FAM124B: variants seen among roughly 807,000 people sequenced by gnomAD.
The protein encoded by FAM124B is family with sequence similarity 124 member B, also known as protein FAM124B.
A neutral mutation model predicts 19.7 loss-of-function variants in FAM124B; 18 were observed. That is an observed-to-expected ratio of 0.92 (90% CI 0.63 to 1.36). The LOEUF (loss-of-function observed/expected upper bound fraction) is 1.36, where lower values mean the gene tolerates loss of function less well. Among genes scored for constraint, FAM124B ranks in the 40% most tolerant of loss-of-function variants. The pLI, the probability that FAM124B is intolerant of heterozygous loss-of-function variation, is 0.00. For missense variants in FAM124B, 540 were observed against 553.3 expected (o/e 0.98, Z 0.24); for synonymous variants, 223 against 225.2 (o/e 0.99, Z 0.09).
intron 1 of FAM124B, among the ~76,000 whole-genome samples, chr2:224,393,317 C>T (rs1228869947): frequency 2.0e-5 from 3 of 152,112 alleles, no homozygotes; most frequent in Non-Finnish European, 4.4e-5. Context: ...AATGGATGGC[C>T]GGCAACCAAC....
At chr2:224,386,927 T>G (rs1025975788) in intron 1 of FAM124B, among the ~76,000 whole-genome samples, 2 of 152,228 alleles carry the variant, frequency 1.3e-5, no homozygotes, top group African/African-American at 4.8e-5. Context: ...CTAATGATTT[T>G]TATTACTATG....
At chr2:224,400,133 T>C (rs1012461491) in intron 1 of FAM124B, 4 of 226,502 alleles carry the variant, frequency 1.8e-5, no homozygotes, top group Non-Finnish European at 2.6e-5. Flanking sequence ...AATTTGACAG[T>C]GATGCAAGAT....
intron 1 of FAM124B, among the ~76,000 whole-genome samples, chr2:224,397,207 C>T (rs953135442): frequency 3.3e-5 from 5 of 152,186 alleles, no homozygotes; most frequent in East Asian, 1.9e-4. Context: ...GTGCTGTTCT[C>T]GTGATAGAGA....
intron 1 of FAM124B, among the ~76,000 whole-genome samples, chr2:224,389,334 A>T (rs1477405603): frequency 6.6e-6 from 1 of 152,226 alleles, no homozygotes; most frequent in Non-Finnish European, 1.5e-5. Context: ...ACTGAGACGG[A>T]ACATAAATTT....
Position 224,401,523 on chromosome 2 carries a change from T to C in FAM124B, c.246A>G (p.Leu82=). Reference sequence around the variant, plus strand: ...GCTGGAGAGAGTCCAGGACGCGAAATAGCCTATCCTCTCCCGGGCTTTCGT... The same window carrying C: ...GCTGGAGAGAGTCCAGGACGCGAAACAGCCTATCCTCTCCCGGGCTTTCGT... ...FLHESPGEDR[L]FRVLDSLQHS... is the part of the protein sequence containing the mutation. The change falls in exon 1 of 2, where the codon CTA becomes CTG. Residue 82 remains leucine, a synonymous_variant. Transcript: ENST00000409685. 6 of 1,613,968 alleles carry C rather than the reference T, an allele frequency of 3.7e-6. No homozygotes were observed. Among genetic ancestry groups the C allele is most frequent in the Non-Finnish European group, 5.1e-6 (6 of 1,179,948 alleles).
chr2:224,381,967 T>C (rs1481263058), intron 1 of FAM124B, among the ~76,000 whole-genome samples: 2 of 151,128 alleles, frequency 1.3e-5, no homozygotes, highest in Admixed American at 6.6e-5. Flanking sequence ...CTCTCTCTCA[T>C]ACACACACAC....
chr2:224,383,951 A>C (rs1359611141), intron 1 of FAM124B, among the ~76,000 whole-genome samples: 3 of 152,236 alleles, frequency 2.0e-5, no homozygotes, highest in Admixed American at 6.5e-5. Context: ...AGAAATCAAT[A>C]ACTTTGACTC....
chr2:224,389,790 T>C (rs1689851349), intron 1 of FAM124B, among the ~76,000 whole-genome samples: 1 of 152,108 alleles, frequency 6.6e-6, no homozygotes, highest in African/African-American at 2.4e-5. Context: ...ACAAAAGTGA[T>C]AACCAACCCC....
intron 1 of FAM124B, among the ~76,000 whole-genome samples, chr2:224,397,490 T>G (rs576966178): frequency 6.6e-6 from 1 of 152,278 alleles, no homozygotes; most frequent in East Asian, 1.9e-4. Context: ...AACAGATACC[T>G]GAAAATGTGG....
At chr2:224,399,163 G>A (rs573703695) in intron 1 of FAM124B, among the ~76,000 whole-genome samples, 1 of 152,308 alleles carries the variant, frequency 6.6e-6, no homozygotes, top group South Asian at 2.1e-4. Context: ...TTAAACTGTG[G>A]TTCCATAGCA....
intron 1 of FAM124B, among the ~76,000 whole-genome samples, chr2:224,395,437 C>T (rs1460315115): frequency 6.6e-6 from 1 of 152,118 alleles, no homozygotes; most frequent in Non-Finnish European, 1.5e-5. Flanking sequence ...AAGAGGCGGA[C>T]ATCATCACCC....
In FAM124B at chr2:224,401,804, G is replaced by A. The variant is rs755142213; in HGVS notation, c.-36C>T. On this transcript the variant is annotated 5_prime_UTR_variant, in exon 1 of 2. Transcript: ENST00000409685. ...CCTGAGGCTGACAAAGACAGCGTGT[G>A]TAGAAGGCCCACTGTTCAAGTTTCT... 1 of 1,580,908 alleles carries A rather than the reference G, an allele frequency of 6.3e-7. No individual in the cohort carries two copies. Among genetic ancestry groups the A allele is most frequent in the Non-Finnish European group, 8.6e-7 (1 of 1,163,646 alleles).
intron 1 of FAM124B, among the ~76,000 whole-genome samples, chr2:224,394,829 C>T (rs112098926): frequency 3.7e-3 from 561 of 152,310 alleles, no homozygotes; most frequent in Non-Finnish European, 4.9e-3. Flanking sequence ...TCCTTCCCTA[C>T]ACACAAGGTG....
intron 1 of FAM124B, among the ~76,000 whole-genome samples, chr2:224,387,359 G>C (rs553260418): frequency 1.3e-5 from 2 of 152,320 alleles, no homozygotes; most frequent in African/African-American, 4.8e-5. Context: ...TGATTAAGCT[G>C]TTAAGGGGCA....
In FAM124B at chr2:224,401,366, A is replaced by T; in HGVS notation, c.403T>A (p.Ser135Thr). ...TACAGCGTCACCCTCAGGATCTCGG[A>T]GCCACAGTGCACCTGCCTCACCCCC... is the stretch of plus-strand genomic sequence containing the variant. ...IWGVRQVHCG[S>T]EILRVTLYCS... Residue 135 changes from serine to threonine, a missense_variant, in exon 1 of 2, where the codon TCC (serine) becomes ACC (threonine). Coordinates refer to ENST00000409685, the MANE Select transcript of FAM124B (RefSeq NM_001122779.2). 6.2e-7 allele frequency: 1 copy of T among 1,614,072 alleles called. No individual in the cohort carries two copies. The highest frequency in any genetic ancestry group is 8.5e-7 in the Non-Finnish European group (1 of 1,180,024).
In FAM124B at chr2:224,401,807, G is replaced by T; in HGVS notation, c.-39C>A. On this transcript the variant is annotated 5_prime_UTR_variant, in exon 1 of 2. Coordinates refer to ENST00000409685, the MANE Select transcript of FAM124B (RefSeq NM_001122779.2). The stretch of plus-strand genomic sequence containing the variant: ...GAGGCTGACAAAGACAGCGTGTGTA[G>T]AAGGCCCACTGTTCAAGTTTCTGAA... The T allele has an allele frequency of 6.3e-7, 1 of 1,578,304 alleles. No individual in the cohort carries two copies.
At chr2:224,393,067 C>G (rs1166402302) in intron 1 of FAM124B, among the ~76,000 whole-genome samples, 3 of 152,208 alleles carry the variant, frequency 2.0e-5, no homozygotes, top group Non-Finnish European at 4.4e-5. Context: ...GAGGACAGTG[C>G]ATTCGTCTAG....
At chr2:224,386,078 C>A (rs1689796994) in intron 1 of FAM124B, among the ~76,000 whole-genome samples, 1 of 152,164 alleles carries the variant, frequency 6.6e-6, no homozygotes, top group Non-Finnish European at 1.5e-5. Flanking sequence ...ATCACCACAC[C>A]ATCGTCCTGC....
Position 224,390,114 on chromosome 2 carries a change from TACACACACACAC to T in FAM124B, c.733-9918_733-9907del, listed in dbSNP as rs59825011. On this transcript the variant is annotated intron_variant, in intron 1 of 1. Transcript: ENST00000409685. Reference sequence around the variant, plus strand: ...GGAAAAAACAGTTGAGTCTTTGAAATACACACACACACACACACACACACACACACACACACA... The same window carrying T: ...GGAAAAAACAGTTGAGTCTTTGAAATACACACACACACACACACACACACA... Among the ~76,000 whole-genome samples the T allele has an allele frequency of 2.8e-3, 369 of 131,796 alleles. 5 individuals are homozygous for T. The highest frequency in any genetic ancestry group is 5.4e-3 in the African/African-American group (187 of 34,888). The allele number at this position is 131,796 out of a possible 152,430, so 86.5% of individuals were successfully genotyped here. A position where few individuals can be genotyped will look rare whatever the true frequency, so the allele number is the denominator to read the frequency against.
Sources: allele counts gnomAD v4.1 joint callset (sites outside exome capture counted in the v4.1 genomes callset), GRCh38; gene constraint gnomAD v4.1.1; transcripts MANE v1.5; gene names NCBI Gene and HGNC (gene_info 2026-07-23, HGNC 2026-07-21).